Variants in CDH2 observed in about 807,000 individuals in gnomAD.
CDH2 encodes the protein cadherin 2, also known as cadherin-2.
CDH2 carries 17 observed loss-of-function variants against 92.0 expected under a neutral mutation model. The observed-to-expected ratio is 0.18, with a 90% confidence interval of 0.13 to 0.28. The LOEUF (loss-of-function observed/expected upper bound fraction) is 0.28, where lower values mean the gene tolerates loss of function less well. Ranked by LOEUF, CDH2 falls within the 10% of genes least tolerant of loss-of-function variation. CDH2 has a pLI of 1.00. For missense variants in CDH2, 862 were observed against 1,133.1 expected (o/e 0.76, Z 3.44); for synonymous variants, 419 against 415.9 (o/e 1.01, Z -0.09).
intron 7 of CDH2, among the ~76,000 whole-genome samples, chr18:27,998,341 A>G (rs1022410367): frequency 6.6e-6 from 1 of 152,192 alleles, no homozygotes; most frequent in Admixed American, 6.5e-5. Flanking sequence ...CAATAATCCT[A>G]TGAGGCAGGT....
At chr18:28,069,774 T>C (rs538719574) in intron 2 of CDH2, among the ~76,000 whole-genome samples, 1 of 152,212 alleles carries the variant, frequency 6.6e-6, no homozygotes, top group South Asian at 2.1e-4. Context: ...ACCACCATAA[T>C]GACCCTGAGC....
chr18:27,948,332 CAG>C (rs1909327893), downstream of CDH2, among the ~76,000 whole-genome samples: 2 of 151,862 alleles, frequency 1.3e-5, no homozygotes, highest in Admixed American at 1.3e-4. Flanking sequence ...GTTTGGAAAA[CAG>C]ACCTTTATCT....
chr18:28,140,845 C>T (rs1242390336), intron 2 of CDH2, among the ~76,000 whole-genome samples: 5 of 150,106 alleles, frequency 3.3e-5, no homozygotes, highest in African/African-American at 1.2e-4. Context: ...AGGTAAACAA[C>T]TCAATTTAAA....
intron 2 of CDH2, among the ~76,000 whole-genome samples, chr18:28,043,211 T>C (rs887620882): frequency 2.0e-5 from 3 of 151,774 alleles, no homozygotes; most frequent in Admixed American, 1.3e-4. Flanking sequence ...GAAAACCAAA[T>C]ATCATATGTT....
intron 6 of CDH2, among the ~76,000 whole-genome samples, chr18:27,939,362 A>T (rs1909085761): frequency 6.6e-6 from 1 of 152,122 alleles, no homozygotes; most frequent in African/African-American, 2.4e-5. Context: ...CTGAATCTCT[A>T]CCTGATTTCT....
intron 2 of CDH2, among the ~76,000 whole-genome samples, chr18:28,020,487 T>C (rs1009189325): frequency 6.6e-6 from 1 of 151,982 alleles, no homozygotes; most frequent in Non-Finnish European, 1.5e-5. Flanking sequence ...GACATTTGAC[T>C]GCTGTAAGGA....
intron 2 of CDH2, chr18:28,036,448 T>C (rs2144096474): frequency 8.8e-7 from 1 of 1,140,486 alleles, no homozygotes; most frequent in East Asian, 2.3e-5. Flanking sequence ...TGTTATGGAA[T>C]GAATAAGGCA....
intron 2 of CDH2, among the ~76,000 whole-genome samples, chr18:28,048,490 A>G (rs1187468088): frequency 6.6e-6 from 1 of 152,232 alleles, no homozygotes; most frequent in African/African-American, 2.4e-5. Context: ...TCTGGTTGTT[A>G]TAAAGAATAA....
chr18:28,148,689 T>C (rs1444276668), intron 1 of CDH2, among the ~76,000 whole-genome samples: 3 of 152,090 alleles, frequency 2.0e-5, no homozygotes, highest in East Asian at 1.9e-4. Flanking sequence ...CCAGTGGCCA[T>C]AGGGACAGCA....
intron 3 of CDH2, among the ~76,000 whole-genome samples, chr18:28,012,307 T>C (rs1432489289): frequency 1.3e-5 from 2 of 152,212 alleles, no homozygotes; most frequent in Non-Finnish European, 2.9e-5. Flanking sequence ...TACCCTTTTA[T>C]ATATTTCTCA....
chr18:28,164,110 T>A (rs1332755677), intron 1 of CDH2, among the ~76,000 whole-genome samples: 1 of 152,200 alleles, frequency 6.6e-6, no homozygotes, highest in Non-Finnish European at 1.5e-5. Flanking sequence ...CAATAAAAAT[T>A]ATTTTTCAAA....
chr18:28,024,480 A>G (rs1338552690), intron 2 of CDH2, among the ~76,000 whole-genome samples: 13 of 150,222 alleles, frequency 8.7e-5, no homozygotes, highest in Admixed American at 8.0e-4. Flanking sequence ...TATTTAAAAT[A>G]TATAGTTAAG....
intron 2 of CDH2, among the ~76,000 whole-genome samples, chr18:28,058,519 C>T (rs1237418605): frequency 6.6e-6 from 1 of 152,170 alleles, no homozygotes; most frequent in African/African-American, 2.4e-5. Flanking sequence ...TCCCTAGGAA[C>T]AGATGACATT....
intron 15 of CDH2, among the ~76,000 whole-genome samples, chr18:27,957,650 C>A (rs145433687): frequency 1.9e-3 from 291 of 152,250 alleles, no homozygotes; most frequent in Middle Eastern, 3.4e-3. Flanking sequence ...AACACACTGC[C>A]TGACATTCAA....
At chr18:28,103,480 TACAC>T (rs58340426) in intron 2 of CDH2, among the ~76,000 whole-genome samples, 73 of 146,612 alleles carry the variant, frequency 5.0e-4, no homozygotes, top group Admixed American at 3.2e-3. Flanking sequence ...TGTATATATA[TACAC>T]ACACACACAC....
chr18:27,946,881 T>C (rs1403693674), downstream of CDH2, among the ~76,000 whole-genome samples: 1 of 151,970 alleles, frequency 6.6e-6, no homozygotes, highest in Non-Finnish European at 1.5e-5. Flanking sequence ...AATGGGCTAA[T>C]ACACAATCAT....
chr18:28,173,664 T>G (rs1011295114), intron 1 of CDH2, among the ~76,000 whole-genome samples: 1 of 152,168 alleles, frequency 6.6e-6, no homozygotes, highest in African/African-American at 2.4e-5. Context: ...TGAATTTCTA[T>G]GAACATTAAA....
At chr18:28,090,449 T>G (rs1266051371) in intron 2 of CDH2, among the ~76,000 whole-genome samples, 1 of 152,164 alleles carries the variant, frequency 6.6e-6, no homozygotes, top group Non-Finnish European at 1.5e-5. Context: ...CAGAAATGAC[T>G]GCACTATCTT....
chr18:28,153,594 G>A (rs1046507557), intron 1 of CDH2, among the ~76,000 whole-genome samples: 1 of 152,182 alleles, frequency 6.6e-6, no homozygotes, highest in Non-Finnish European at 1.5e-5. Context: ...AGAGCAGAGT[G>A]ACTGCAGCAT....
Sources: allele counts gnomAD v4.1 joint callset (sites outside exome capture counted in the v4.1 genomes callset), GRCh38; gene constraint gnomAD v4.1.1; transcripts MANE v1.5; gene names NCBI Gene and HGNC (gene_info 2026-07-23, HGNC 2026-07-21).